BEND2: variants seen among roughly 807,000 people sequenced by gnomAD.
BEND2 encodes the protein BEN domain-containing protein 2.
A neutral mutation model predicts 43.8 loss-of-function variants in BEND2; 19 were observed. The ratio of observed to expected loss-of-function variants is 0.43; its 90% CI spans 0.30 to 0.64. The LOEUF (loss-of-function observed/expected upper bound fraction) is 0.64. Among genes scored for constraint, BEND2 ranks in the 30% least tolerant of loss-of-function variants. The pLI, the probability that BEND2 is intolerant of heterozygous loss-of-function variation, is 0.11. For synonymous variants in BEND2, 226 were observed against 210.1 expected, an observed-to-expected ratio of 1.08 and a Z score of -0.66; for missense variants, 544 against 574.0, an observed-to-expected ratio of 0.95 and a Z score of 0.53.
Position 18,188,405 on chromosome X carries a change from C to A in BEND2, c.1288+2596G>T, listed in dbSNP as rs186737633. ...AAAAAAAAAGAAAAAGAAAAAGAGA[C>A]AAAATCCAAATAAATAAAACCAGAG... On this transcript the variant is annotated intron_variant, in intron 8 of 13. Coordinates refer to ENST00000380033, the MANE Select transcript of BEND2 (RefSeq NM_153346.5). Among the ~76,000 whole-genome samples, 9 of 110,419 alleles carry A rather than the reference C, an allele frequency of 8.2e-5. No individual in the cohort carries two copies. In the East Asian group the frequency reaches 2.5e-3, roughly 31 times the overall value.
intron 8 of BEND2, among the ~76,000 whole-genome samples, chrX:18,189,375 T>C (rs966317284): frequency 9.1e-6 from 1 of 110,457 alleles, no homozygotes; most frequent in African/African-American, 3.3e-5. Flanking sequence ...CCAGGCATGG[T>C]TGTCCATCCC....
intron 6 of BEND2, among the ~76,000 whole-genome samples, chrX:18,201,033 G>C (rs889061724): frequency 1.8e-5 from 2 of 111,837 alleles, no homozygotes; most frequent in Non-Finnish European, 3.8e-5. Context: ...AACTGTGTGT[G>C]AATCTAAAAT....
At chrX:18,169,914 TC>T (rs1336013207) in intron 13 of BEND2, among the ~76,000 whole-genome samples, 2 of 112,183 alleles carry the variant, frequency 1.8e-5, no homozygotes, top group Non-Finnish European at 1.9e-5. Flanking sequence ...AAAGAAGTAA[TC>T]TTTTCCAGAT....
At chrX:18,191,246 A>G in intron 7 of BEND2, 138 bp from the exon 8 acceptor site, 1 of 460,387 alleles carries the variant, frequency 2.2e-6, no homozygotes, top group Non-Finnish European at 3.5e-6. Flanking sequence ...ACAAAGAAAA[A>G]CTTTAAAAAA....
intron 8 of BEND2, among the ~76,000 whole-genome samples, chrX:18,189,194 C>G (rs1300284783): frequency 3.2e-5 from 2 of 63,431 alleles, no homozygotes; most frequent in East Asian, 8.5e-4. Flanking sequence ...AAAGAGAATC[C>G]ATCTCAAAAA....
chrX:18,209,819 A>G (rs1271463549), intron 4 of BEND2, among the ~76,000 whole-genome samples: 1 of 111,157 alleles, frequency 9.0e-6, no homozygotes, highest in Non-Finnish European at 1.9e-5. Context: ...TAGGAATGGC[A>G]AAATTCAAAC....
At position 18,164,828 on chromosome X, in the gene BEND2, A is replaced by G; in HGVS notation, c.*181T>C. The G allele has an allele frequency of 2.3e-6, 1 of 444,186 alleles. No homozygotes were observed. The allele number at this position is 444,186 out of a possible 1,213,427, so 36.6% of individuals were successfully genotyped here. ...TCATCAAATCCACAGATGAAACATT[A>G]CGTATCTTCCTAATGTGATTCTACC... On this transcript the variant is annotated 3_prime_UTR_variant, in exon 14 of 14. Coordinates refer to ENST00000380033, the MANE Select transcript of BEND2 (RefSeq NM_153346.5).
At chrX:18,200,397 G>A (rs1047867275) in intron 6 of BEND2, among the ~76,000 whole-genome samples, 4 of 108,496 alleles carry the variant, frequency 3.7e-5, no homozygotes, top group Non-Finnish European at 7.6e-5. Context: ...TAGCTATTCA[G>A]GAGGCTGAGG....
In BEND2 at chrX:18,177,648, T is replaced by G. The variant is rs201343691; in HGVS notation, c.1551A>C (p.Glu517Asp). 16 of 1,209,370 alleles carry G rather than the reference T, an allele frequency of 1.3e-5. No individual in the cohort carries two copies. The East Asian group carries it at 3.9e-4, about 29-fold the overall frequency. The change falls in exon 10 of 14, where the codon GAA becomes GAC. Residue 517 changes from glutamate to aspartate, a missense_variant. Glu to Asp is a conservative substitution (Grantham distance 45). This residue lies in a region of BEND2 where 501 missense variants were observed against 501.6 expected (regional missense o/e 1.00). Coordinates refer to ENST00000380033, the MANE Select transcript of BEND2 (RefSeq NM_153346.5). ...CYLVRILFSK[E>D]ILISSSVDIH... Reference sequence around the variant, plus strand: ...TATCCACTGAGCTGCTAATCAGGATTTCCTTGGAGAACAAAATACGAACCA... The same window carrying G: ...TATCCACTGAGCTGCTAATCAGGATGTCCTTGGAGAACAAAATACGAACCA...
At chrX:18,170,130 G>A (rs965867069) in intron 13 of BEND2, among the ~76,000 whole-genome samples, 1 of 111,621 alleles carries the variant, frequency 9.0e-6, no homozygotes, top group Non-Finnish European at 1.9e-5. Context: ...CCAATTACTA[G>A]GTTGTGAAAT....
At chrX:18,188,543 T>C (rs1159757957) in intron 8 of BEND2, among the ~76,000 whole-genome samples, 2 of 111,285 alleles carry the variant, frequency 1.8e-5, no homozygotes, top group Non-Finnish European at 3.8e-5. Flanking sequence ...ATGTATAAAT[T>C]CCTAGACACA....
chrX:18,215,600 A>G (rs1056009979), intron 2 of BEND2, among the ~76,000 whole-genome samples: 5 of 112,152 alleles, frequency 4.5e-5, no homozygotes, highest in Non-Finnish European at 9.4e-5. Flanking sequence ...TCAAATTTCA[A>G]TGACCATAAA....
chrX:18,171,081 A>G lies in BEND2; in HGVS notation c.2105T>C (p.Val702Ala). ...YLIQKLFTKD[V>A]LVQSNVYGNL... Reference sequence around the variant, plus strand: ...GCCATAGACGTTACTTTGGACCAGGACATCTTTTGTGAAGAGTTTCTGAAT... The same window carrying G: ...GCCATAGACGTTACTTTGGACCAGGGCATCTTTTGTGAAGAGTTTCTGAAT... The change falls in exon 13 of 14, where the codon GTC becomes GCC. Residue 702 changes from valine to alanine, a missense_variant. Val to Ala is a moderately conservative substitution (Grantham distance 64). Coordinates refer to ENST00000380033, the MANE Select transcript of BEND2 (RefSeq NM_153346.5). 1 of 1,212,133 alleles carries G rather than the reference A, an allele frequency of 8.2e-7. No individual in the cohort carries two copies. Among genetic ancestry groups the G allele is most frequent in the Non-Finnish European group, 1.1e-6 (1 of 895,441 alleles).
At chrX:18,193,455 A>G (rs998127878) in intron 7 of BEND2, among the ~76,000 whole-genome samples, 4 of 112,176 alleles carry the variant, frequency 3.6e-5, no homozygotes, top group Admixed American at 1.9e-4. Flanking sequence ...ACTAGGTAGA[A>G]CTAAATGCAC....
rs753114618 is a variant in BEND2, at chrX:18,191,104, A to C, written c.1185T>G (p.Ser395=). ...SYLPITSNFE[S]GPQMSYGTMS... ...TTGTCCCATAACTCATTTGTGGGCCAGATTCTGTTTTGAACAACATTTCAA... is the reference window on the plus strand; with the variant it reads ...TTGTCCCATAACTCATTTGTGGGCCCGATTCTGTTTTGAACAACATTTCAA... Residue 395 remains serine, a synonymous_variant, in exon 8 of 14, where the codon TCT becomes TCG. Transcript: ENST00000380033. 16 of 1,196,929 alleles carry C rather than the reference A, an allele frequency of 1.3e-5. No individual in the cohort carries two copies. The South Asian group carries it at 2.9e-4, about 22-fold the overall frequency.
intron 6 of BEND2, 117 bp downstream of exon 6, chrX:18,201,698 G>A (rs900526213): frequency 4.8e-5 from 41 of 847,810 alleles, no homozygotes; most frequent in Non-Finnish European, 6.4e-5. Context: ...TCACCATGTT[G>A]GTCAGGCTGG....
rs747798379 is a variant in BEND2, at chrX:18,180,571, T to C, written c.1368A>G (p.Leu456=). Reference sequence around the variant, plus strand: ...AATCCTGGCCACTGTCACTGTCCAATAAAGTTGAGCGATTCATTGTGTTGA... The same window carrying C: ...AATCCTGGCCACTGTCACTGTCCAACAAAGTTGAGCGATTCATTGTGTTGA... ...NSVNTMNRST[L]LDSDSGQDSS... Residue 456 remains leucine, a synonymous_variant, in exon 9 of 14, where the codon TTA becomes TTG. Coordinates refer to ENST00000380033, the MANE Select transcript of BEND2 (RefSeq NM_153346.5). 44 of 1,208,644 alleles carry C rather than the reference T, an allele frequency of 3.6e-5. No homozygotes were observed. The South Asian group carries it at 6.7e-4, about 18-fold the overall frequency.
At chrX:18,195,219 C>T in intron 7 of BEND2, 77 bp downstream of exon 7, 1 of 1,021,751 alleles carries the variant, frequency 9.8e-7, no homozygotes, top group African/African-American at 1.9e-5. Context: ...AAAAAGCTAC[C>T]ACTAAGAATT....
At chrX:18,189,199 CAAA>C (rs34280162) in intron 8 of BEND2, among the ~76,000 whole-genome samples, 46 of 72,766 alleles carry the variant, frequency 6.3e-4, no homozygotes, top group African/African-American at 2.1e-3. Flanking sequence ...GAATCCATCT[CAAA>C]AAAAAAAAAA....
Sources: gnomAD v4.1 joint callset for allele counts (sites outside exome capture counted in the v4.1 genomes callset) on GRCh38, gnomAD v4.1.1 for gene constraint, gnomAD v4.1.1 regional missense constraint, MANE v1.5 for transcripts, NCBI Gene and HGNC (gene_info 2026-07-23, HGNC 2026-07-21) for gene names.